Variants in LRRC72 observed in about 807,000 individuals in gnomAD.
The protein encoded by LRRC72 is leucine rich repeat containing 72.
A neutral mutation model predicts 35.8 loss-of-function variants in LRRC72; 41 were observed. The observed-to-expected ratio is 1.15, with a 90% CI of 0.89 to 1.49. LRRC72 has a LOEUF of 1.49. LRRC72 is among the 40% of genes most tolerant of loss of function. The probability of loss-of-function intolerance (pLI) is 0.00; values close to 1 mark genes in which losing one functional copy is unlikely to be tolerated. For synonymous variants in LRRC72, 118 were observed against 119.2 expected (o/e 0.99, Z 0.07); for missense variants, 389 against 330.7 (o/e 1.18, Z -1.37).
Position 16,557,364 on chromosome 7 carries a change from A to G in LRRC72, c.239A>G (p.His80Arg), listed in dbSNP as rs1193486605. 85 of 1,270,152 alleles carry G rather than the reference A, an allele frequency of 6.7e-5. No homozygotes were observed. Among genetic ancestry groups the G allele is most frequent in the Non-Finnish European group, 8.6e-5 (83 of 964,836 alleles). The allele number at this position is 1,270,152 out of a possible 1,614,324, so 78.7% of individuals were successfully genotyped here. The change falls in exon 4 of 9, where the codon CAT becomes CGT. Residue 80 changes from histidine to arginine, a missense_variant. Physicochemically the swap from His to Arg is conservative, Grantham distance 29 (BLOSUM62 0). Transcript: ENST00000401542. ...KYLWLHHNKL[H>R]GITFLTRNYC... is the part of the protein sequence containing the mutation. ...TTCTCTAACTCTCATTTTTAGCTCC[A>G]TGGAATAACATTTCTAACTAGAAAC...
chr7:16,575,786 C>T (rs1183278902), intron 7 of LRRC72, among the ~76,000 whole-genome samples: 1 of 152,130 alleles, frequency 6.6e-6, no homozygotes, highest in African/African-American at 2.4e-5. Context: ...GGAAAGGAGT[C>T]TTTAGATAGA....
intron 1 of LRRC72, among the ~76,000 whole-genome samples, chr7:16,531,541 G>A (rs964946155): frequency 3.3e-5 from 5 of 152,168 alleles, no homozygotes; most frequent in Non-Finnish European, 2.9e-5. Context: ...CACCCAGAAA[G>A]ATTTATAAGT....
At chr7:16,540,938 A>G (rs1782346244) in intron 3 of LRRC72, among the ~76,000 whole-genome samples, 1 of 152,154 alleles carries the variant, frequency 6.6e-6, no homozygotes, top group African/African-American at 2.4e-5. Context: ...TACACTATCC[A>G]AGCTGATTTA....
At chr7:16,559,658 A>T (rs1782710761) in intron 5 of LRRC72, among the ~76,000 whole-genome samples, 1 of 152,082 alleles carries the variant, frequency 6.6e-6, no homozygotes, top group African/African-American at 2.4e-5. Flanking sequence ...CAACACCGAG[A>T]GGTAACTGTT....
At position 16,581,402 on chromosome 7, in the gene LRRC72, C is replaced by G; in HGVS notation, c.777C>G (p.Asn259Lys). Reference protein sequence around the residue: ...KRSVMTLTSMNWDTVPTREER... With the variant: ...KRSVMTLTSMKWDTVPTREER... ...CAGTGATGACTTTGACCTCTATGAA[C>G]TGGGACACAGTTCCAACACGAGAGG... is the stretch of plus-strand genomic sequence containing the variant. The change falls in exon 9 of 9, where the codon AAC becomes AAG. Residue 259 changes from asparagine to lysine, a missense_variant. Transcript: ENST00000401542. 6.5e-7 allele frequency: 1 copy of G among 1,550,032 alleles called. No individual in the cohort carries two copies. Among genetic ancestry groups the G allele is most frequent in the Non-Finnish European group, 8.7e-7 (1 of 1,146,690 alleles).
At chr7:16,550,681 T>C (rs6942710) in intron 3 of LRRC72, among the ~76,000 whole-genome samples, 62,287 of 152,024 alleles carry the variant, frequency 0.41, 12,887 homozygotes, top group East Asian at 0.54. Context: ...GCTGCTACTT[T>C]TTGATTTTTC....
intron 2 of LRRC72, among the ~76,000 whole-genome samples, chr7:16,536,280 A>G (rs553288190): frequency 6.6e-6 from 1 of 152,350 alleles, no homozygotes; most frequent in Non-Finnish European, 1.5e-5. Context: ...AATGGGATAC[A>G]GGATTTAAAC....
intron 3 of LRRC72, among the ~76,000 whole-genome samples, chr7:16,542,905 C>T (rs1227240811): frequency 6.6e-6 from 1 of 152,136 alleles, no homozygotes; most frequent in African/African-American, 2.4e-5. Flanking sequence ...ATCACTATCA[C>T]TTAATTTGTT....
In LRRC72 at chr7:16,557,434, G is replaced by A; in HGVS notation, c.309G>A (p.Glu103=). ...ATCTAAACAACAATGCAATATTTGA[G>A]ATAGAAGGTACGTCTTAAATTCTCT... ...ELYLNNNAIF[E]IEGLHYLPSL... is the part of the protein sequence containing the mutation. The change falls in exon 4 of 9, where the codon GAG becomes GAA. Residue 103 remains glutamate, a synonymous_variant. Coordinates refer to ENST00000401542, the MANE Select transcript of LRRC72 (RefSeq NM_001195280.2). The A allele has an allele frequency of 8.1e-7, 1 of 1,241,688 alleles. No individual in the cohort carries two copies. Among genetic ancestry groups the A allele is most frequent in the Non-Finnish European group, 1.1e-6 (1 of 944,098 alleles). The allele number at this position is 1,241,688 out of a possible 1,614,324, so 76.9% of individuals were successfully genotyped here.
chr7:16,567,444 G>T lies in LRRC72; in HGVS notation c.571G>T (p.Ala191Ser), dbSNP rs1439447826. The part of the protein sequence containing the change: ...SMITIFNHKK[A>S]HIVQSIAFGG... ...GATTACCATTTTTAACCATAAAAAG[G>T]CTCATATCGTTCAATCAATAGCATT... Residue 191 changes from alanine to serine, a missense_variant, in exon 7 of 9, where the codon GCT (alanine) becomes TCT (serine). Physicochemically the swap from Ala to Ser is moderately conservative, Grantham distance 99 (BLOSUM62 1). Coordinates refer to ENST00000401542, the MANE Select transcript of LRRC72 (RefSeq NM_001195280.2). 4 of 1,524,010 alleles carry T rather than the reference G, an allele frequency of 2.6e-6. No homozygotes were observed. Among genetic ancestry groups the T allele is most frequent in the Non-Finnish European group, 3.5e-6 (4 of 1,135,108 alleles). The allele number at this position is 1,524,010 out of a possible 1,614,324, so 94.4% of individuals were successfully genotyped here. A position where few individuals can be genotyped will look rare whatever the true frequency, so the allele number is the denominator to read the frequency against.
chr7:16,580,298 T>C (rs1049812060), intron 8 of LRRC72, among the ~76,000 whole-genome samples, 197 bp downstream of exon 8: 1 of 152,198 alleles, frequency 6.6e-6, no homozygotes, highest in Non-Finnish European at 1.5e-5. Context: ...TTTGGGCTTT[T>C]AATATTACTA....
chr7:16,533,748 A>C (rs1487755367), intron 2 of LRRC72, among the ~76,000 whole-genome samples: 1 of 152,150 alleles, frequency 6.6e-6, no homozygotes, highest in East Asian at 1.9e-4. Flanking sequence ...AAAGGAATAA[A>C]TTGATAACCA....
chr7:16,568,515 A>G (rs1011080045), intron 7 of LRRC72, among the ~76,000 whole-genome samples: 4 of 152,226 alleles, frequency 2.6e-5, no homozygotes, highest in African/African-American at 9.6e-5. Flanking sequence ...AGAAGGTCCA[A>G]TATAACTTCA....
intron 3 of LRRC72, among the ~76,000 whole-genome samples, chr7:16,551,948 G>A (rs1782559843): frequency 6.6e-6 from 1 of 152,140 alleles, no homozygotes; most frequent in African/African-American, 2.4e-5. Context: ...CAGTCTTGTG[G>A]GACTGAGCCC....
intron 1 of LRRC72, 51 bp from the exon 2 acceptor site, chr7:16,532,444 G>C: frequency 7.4e-7 from 1 of 1,359,086 alleles, no homozygotes; most frequent in East Asian, 2.5e-5. Context: ...AAGTGCCTCA[G>C]CACTTTTGTT....
intron 7 of LRRC72, among the ~76,000 whole-genome samples, chr7:16,569,511 TG>T (rs2128338487): frequency 6.6e-6 from 1 of 152,274 alleles, no homozygotes; most frequent in East Asian, 1.9e-4. Flanking sequence ...CCAACTACAG[TG>T]TAAATTGGAA....
At chr7:16,561,318 T>C (rs1782740597) in intron 5 of LRRC72, among the ~76,000 whole-genome samples, 7 of 152,306 alleles carry the variant, frequency 4.6e-5, no homozygotes, top group Admixed American at 2.0e-4. Flanking sequence ...AAACTTGTTA[T>C]AAAACAACAT....
At chr7:16,565,805 C>T (rs1429149295) in intron 5 of LRRC72, among the ~76,000 whole-genome samples, 1 of 152,190 alleles carries the variant, frequency 6.6e-6, no homozygotes, top group African/African-American at 2.4e-5. Flanking sequence ...TCTGAAGCTA[C>T]TATTGACACA....
chr7:16,560,658 G>C lies in LRRC72; in HGVS notation c.427+1659G>C, dbSNP rs58288466. Among the ~76,000 whole-genome samples, 309 of 151,228 alleles carry C rather than the reference G, an allele frequency of 2.0e-3. 2 individuals are homozygous for C. Among genetic ancestry groups the C allele is most frequent in the African/African-American group, 7.2e-3 (296 of 41,232 alleles). ...AAATGGGCTGATAGCTACCTCTCAG[G>C]GTTGCTTCAAACATTAAGATAACTC... On this transcript the variant is annotated intron_variant, in intron 5 of 8. Coordinates refer to ENST00000401542, the MANE Select transcript of LRRC72 (RefSeq NM_001195280.2).
Sources: gnomAD v4.1 joint callset for allele counts (sites outside exome capture counted in the v4.1 genomes callset) on GRCh38, gnomAD v4.1.1 for gene constraint, MANE v1.5 for transcripts, NCBI Gene and HGNC (gene_info 2026-07-23, HGNC 2026-07-21) for gene names.